Variants in SDHAF4 observed in about 807,000 individuals in gnomAD.
SDHAF4 encodes succinate dehydrogenase complex assembly factor 4, also known as succinate dehydrogenase assembly factor 4, mitochondrial.
Under a neutral mutation model 14.3 loss-of-function variants are expected in SDHAF4, and 14 were observed. The ratio of observed to expected loss-of-function variants is 0.98; its 90% confidence interval spans 0.65 to 1.53. The LOEUF is 1.53. SDHAF4 is among the 40% of genes most tolerant of loss of function. The probability of loss-of-function intolerance (pLI) is 0.00; values close to 1 mark genes in which losing one functional copy is unlikely to be tolerated. For missense variants in SDHAF4, 141 were observed against 129.3 expected (o/e 1.09, Z -0.44); for synonymous variants, 63 against 47.3 (o/e 1.33, Z -1.36).
the SDHAF4 span, chr6:70,596,892 T>C: frequency 6.6e-6 from 1 of 152,242 alleles, no homozygotes; most frequent in African/African-American, 2.4e-5. Context: ...AACTTTGTCA[T>C]AGCAATTGTT....
At chr6:70,576,484 C>A (rs75716206) in intron 1 of SDHAF4, among the ~76,000 whole-genome samples, 4,204 of 152,302 alleles carry the variant, frequency 0.028, 148 homozygotes, top group African/African-American at 0.078. Flanking sequence ...AACCCTTACA[C>A]AAATTAACTT....
intron 1 of SDHAF4, among the ~76,000 whole-genome samples, chr6:70,576,108 T>A (rs1486839349): frequency 6.6e-6 from 1 of 152,206 alleles, no homozygotes; most frequent in Non-Finnish European, 1.5e-5. Flanking sequence ...AAGCTACTTG[T>A]ATGTGCTTCA....
chr6:70,569,797 T>C (rs1055533638), intron 1 of SDHAF4, among the ~76,000 whole-genome samples: 1 of 152,230 alleles, frequency 6.6e-6, no homozygotes, highest in South Asian at 2.1e-4. Context: ...CCTTGTGGTC[T>C]TGTCTAAGAA....
downstream of SDHAF4, among the ~76,000 whole-genome samples, chr6:70,592,628 T>A (rs1363804933): frequency 2.0e-5 from 3 of 152,198 alleles, no homozygotes; most frequent in African/African-American, 7.2e-5. Context: ...AATTAGAATA[T>A]TTGACGGAAG....
At chr6:70,595,211 G>T in the SDHAF4 span, among the ~76,000 whole-genome samples, 1 of 152,154 alleles carries the variant, frequency 6.6e-6, no homozygotes, top group Non-Finnish European at 1.5e-5. Flanking sequence ...ACTCTCAGAG[G>T]TTGGGCCTTC....
At chr6:70,590,015 A>G (rs1438798345), downstream of SDHAF4, among the ~76,000 whole-genome samples, 3 of 152,212 alleles carry the variant, frequency 2.0e-5, no homozygotes, top group Non-Finnish European at 2.9e-5. Context: ...AGGCGGGTCA[A>G]TCACTTGAGG....
intron 1 of SDHAF4, among the ~76,000 whole-genome samples, chr6:70,575,315 T>C (rs1581927657): frequency 6.6e-6 from 1 of 151,860 alleles, no homozygotes; most frequent in African/African-American, 2.4e-5. Flanking sequence ...GAAGTGGAGG[T>C]TGCGATGAGC....
rs1802108148 is a variant in SDHAF4, at chr6:70,567,142, C to A, written c.64+138C>A. The A allele has an allele frequency of 3.6e-6, 3 of 836,800 alleles. 1 individual carries two copies. Among genetic ancestry groups the A allele is most frequent in the Non-Finnish European group, 5.5e-6 (3 of 549,740 alleles). 51.8% of individuals were successfully genotyped at this position (836,800 alleles called of 1,614,324 possible). ...CAGGGGCTGCCCAGCTTCTCCCGCC[C>A]AGCCGCCCACCCGGTGGCCTGGGCA... On this transcript the variant is annotated intron_variant, in intron 1 of 2. Coordinates refer to ENST00000370474, the MANE Select transcript of SDHAF4 (RefSeq NM_145267.3).
intron 1 of SDHAF4, 43 bp from the exon 2 acceptor site, chr6:70,579,371 T>G: frequency 7.4e-7 from 1 of 1,353,042 alleles, no homozygotes; most frequent in Non-Finnish European, 9.7e-7. Flanking sequence ...TAAAGTGGAA[T>G]AAATGAACAG....
the SDHAF4 span, among the ~76,000 whole-genome samples, chr6:70,594,801 A>G: frequency 5.3e-5 from 8 of 151,966 alleles, no homozygotes; most frequent in Non-Finnish European, 1.2e-4. Context: ...AATCCCAGCT[A>G]CTCGGGAGGC....
the SDHAF4 span, among the ~76,000 whole-genome samples, chr6:70,598,259 A>G: frequency 6.6e-6 from 1 of 152,096 alleles, no homozygotes; most frequent in African/African-American, 2.4e-5. Context: ...GGCACCTGTA[A>G]CCCCAACTAC....
rs1199089552 is a variant in SDHAF4, at chr6:70,566,999, C to T, written c.59C>T (p.Ala20Val). Residue 20 changes from alanine (A) to valine (V), a missense_variant, in exon 1 of 3, where the codon GCG (alanine) becomes GTG (valine). Coordinates refer to ENST00000370474, the MANE Select transcript of SDHAF4 (RefSeq NM_145267.3). ...TGGGTCTCGGCCACGGCGTGGAGAG[C>T]GGCAAGTAAGCACCTGGCCTCGGGG... ...LSWVSATAWR[A>V]ARSPLLCHSL... 35 of 1,587,916 alleles carry T rather than the reference C, an allele frequency of 2.2e-5. No individual in the cohort carries two copies. Among genetic ancestry groups the T allele is most frequent in the Non-Finnish European group, 2.7e-5 (31 of 1,167,340 alleles).
Position 70,586,051 on chromosome 6 carries a change from C to T in SDHAF4, c.218-2564C>T, listed in dbSNP as rs145516459. ...CCTACACCTTCTCCCAGAGTCCAAGCAATGTGCTTCCTCAGTAGAACAGGT... is the reference window on the plus strand; with the variant it reads ...CCTACACCTTCTCCCAGAGTCCAAGTAATGTGCTTCCTCAGTAGAACAGGT... On this transcript the variant is annotated intron_variant, in intron 2 of 2. Coordinates refer to ENST00000370474, the MANE Select transcript of SDHAF4 (RefSeq NM_145267.3). 5.6e-3 allele frequency among the ~76,000 whole-genome samples: 855 copies of T among 152,270 alleles called. 3 individuals are homozygous for T. The highest frequency in any genetic ancestry group is 8.2e-3 in the Non-Finnish European group (560 of 68,026).
At chr6:70,575,809 CA>C (rs144031068) in intron 1 of SDHAF4, among the ~76,000 whole-genome samples, 34 of 151,374 alleles carry the variant, frequency 2.2e-4, no homozygotes, top group African/African-American at 7.9e-4. Context: ...CATGTAAACA[CA>C]ATTCTAAATA....
At chr6:70,576,954 TC>T in intron 1 of SDHAF4, among the ~76,000 whole-genome samples, 1 of 152,098 alleles carries the variant, frequency 6.6e-6, no homozygotes, top group Non-Finnish European at 1.5e-5. Flanking sequence ...AGGTCAGGAG[TC>T]TGGAAGGGGT....
intron 1 of SDHAF4, among the ~76,000 whole-genome samples, chr6:70,570,852 T>G (rs1329243318): frequency 6.6e-6 from 1 of 152,210 alleles, no homozygotes; most frequent in African/African-American, 2.4e-5. Context: ...GAGTTCTAGC[T>G]ATCTCCCAAA....
At chr6:70,575,722 T>A (rs1243993214) in intron 1 of SDHAF4, among the ~76,000 whole-genome samples, 8 of 135,452 alleles carry the variant, frequency 5.9e-5, no homozygotes, top group African/African-American at 2.4e-4. Context: ...TGTGTGTGTG[T>A]GTGTGAGAGA....
intron 1 of SDHAF4, among the ~76,000 whole-genome samples, chr6:70,569,268 TTTTC>T (rs1802149039): frequency 6.6e-6 from 1 of 151,622 alleles, no homozygotes; most frequent in African/African-American, 2.4e-5. Context: ...CCGGCCTCTT[TTTTC>T]TTTCTTTGTT....
At chr6:70,593,033 C>T (rs971385005), downstream of SDHAF4, among the ~76,000 whole-genome samples, 9 of 152,220 alleles carry the variant, frequency 5.9e-5, no homozygotes, top group African/African-American at 4.8e-5. Context: ...CTTGCTGCCC[C>T]GGGCTGCCTT....
Sources: gnomAD v4.1 joint callset for allele counts (sites outside exome capture counted in the v4.1 genomes callset) on GRCh38, gnomAD v4.1.1 for gene constraint, MANE v1.5 for transcripts, NCBI Gene and HGNC (gene_info 2026-07-23, HGNC 2026-07-21) for gene names.